RP1: variants seen among roughly 807,000 people sequenced by gnomAD.
RP1 encodes the protein RP1 axonemal microtubule associated.
Under a neutral mutation model 14.8 loss-of-function variants are expected in RP1, and 16 were observed. That is an observed-to-expected ratio of 1.08 (90% CI 0.73 to 1.65). The LOEUF (loss-of-function observed/expected upper bound fraction) is 1.65. Ranked by LOEUF, RP1 falls within the 40% of genes most tolerant of loss-of-function variation. The pLI is 0.00. For missense variants in RP1, 2,631 were observed against 2,535.0 expected (o/e 1.04, Z -0.81); for synonymous variants, 876 against 883.6 (o/e 0.99, Z 0.15).
downstream of RP1, among the ~76,000 whole-genome samples, chr8:54,633,279 T>A (rs937969344): frequency 2.0e-5 from 3 of 151,978 alleles, no homozygotes; most frequent in East Asian, 5.8e-4. Flanking sequence ...ATCATCAGAG[T>A]TGATTCCAAG....
intron 6 of RP1, among the ~76,000 whole-genome samples, chr8:54,658,577 C>T (rs1462249858): frequency 2.0e-5 from 3 of 146,840 alleles, no homozygotes; most frequent in Non-Finnish European, 4.5e-5. Flanking sequence ...AAAAAGACTG[C>T]GTATTACTCT....
chr8:54,615,606 C>T (rs369112887), upstream of RP1, among the ~76,000 whole-genome samples: 2 of 152,110 alleles, frequency 1.3e-5, no homozygotes, highest in Admixed American at 6.6e-5. Flanking sequence ...GTTTGTCCTG[C>T]GTTATGCTGA....
chr8:54,788,898 C>T (rs1009000982), intron 24 of RP1, among the ~76,000 whole-genome samples: 1 of 152,054 alleles, frequency 6.6e-6, no homozygotes, highest in African/African-American at 2.4e-5. Flanking sequence ...GCTGATGCAC[C>T]CCACAGAAAT....
intron 1 of RP1, among the ~76,000 whole-genome samples, chr8:54,588,031 T>C (rs565271201): frequency 3.3e-5 from 5 of 152,366 alleles, no homozygotes; most frequent in African/African-American, 1.2e-4. Context: ...TGTCTGCTGC[T>C]ATTTTTGAAT....
chr8:54,681,296 A>G (rs1177584127), intron 12 of RP1, among the ~76,000 whole-genome samples: 1 of 152,046 alleles, frequency 6.6e-6, no homozygotes, highest in African/African-American at 2.4e-5. Flanking sequence ...GACCAAGACC[A>G]TTTATTTCTC....
At chr8:54,644,238 A>C (rs1806503423) in intron 3 of RP1, among the ~76,000 whole-genome samples, 1 of 152,204 alleles carries the variant, frequency 6.6e-6, no homozygotes, top group Non-Finnish European at 1.5e-5. Flanking sequence ...AGCAAGTTAG[A>C]AACCTAGCAA....
intron 24 of RP1, among the ~76,000 whole-genome samples, chr8:54,830,086 C>T (rs529458914): frequency 7.2e-5 from 11 of 152,228 alleles, no homozygotes; most frequent in Middle Eastern, 3.4e-3. Flanking sequence ...TATATTCCTA[C>T]TTATTTTTTG....
At chr8:54,633,733 C>CTATATATA (rs1461408412), downstream of RP1, among the ~76,000 whole-genome samples, 37 of 130,150 alleles carry the variant, frequency 2.8e-4, no homozygotes, top group African/African-American at 1.1e-3. Flanking sequence ...CTCTCTCTCT[C>CTATATATA]TCTCTATATA....
At chr8:54,847,212 A>AT (rs1366208531) in intron 25 of RP1, among the ~76,000 whole-genome samples, 4 of 152,058 alleles carry the variant, frequency 2.6e-5, no homozygotes, top group Non-Finnish European at 4.4e-5. Context: ...AAAGAGAGAG[A>AT]TTTTTTCAAA....
chr8:54,640,856 C>T (rs190451018), intron 3 of RP1, among the ~76,000 whole-genome samples: 98 of 152,160 alleles, frequency 6.4e-4, no homozygotes, highest in Non-Finnish European at 1.1e-3. Flanking sequence ...TTTCAAACAA[C>T]GGTGGCTAAG....
chr8:54,578,274 A>G (rs967950768), intron 1 of RP1, among the ~76,000 whole-genome samples: 3 of 152,172 alleles, frequency 2.0e-5, no homozygotes, highest in Non-Finnish European at 4.4e-5. Flanking sequence ...TGGTGCAATC[A>G]TAGCTTATTG....
intron 12 of RP1, among the ~76,000 whole-genome samples, chr8:54,683,995 GTTTTTTTTTTTTT>G (rs35978244): frequency 7.6e-6 from 1 of 132,044 alleles, no homozygotes; most frequent in East Asian, 2.2e-4. Context: ...TTGCTTGAGA[GTTTTTTTTTTTTT>G]TTTTTAACAT....
intron 1 of RP1, among the ~76,000 whole-genome samples, chr8:54,589,245 T>C (rs955279995): frequency 2.0e-5 from 3 of 152,224 alleles, no homozygotes; most frequent in Non-Finnish European, 4.4e-5. Context: ...GTTATTGTGT[T>C]AGGTTATAAA....
intron 25 of RP1, among the ~76,000 whole-genome samples, chr8:54,849,585 G>T (rs1477924452): frequency 1.3e-5 from 2 of 152,218 alleles, no homozygotes; most frequent in African/African-American, 4.8e-5. Context: ...AGCTGTTAAT[G>T]CTTGGAGTTG....
At chr8:54,827,679 C>T (rs1193715680) in intron 24 of RP1, among the ~76,000 whole-genome samples, 1 of 152,066 alleles carries the variant, frequency 6.6e-6, no homozygotes, top group Non-Finnish European at 1.5e-5. Flanking sequence ...CGGCAGATCA[C>T]CTGAGGTCAG....
At chr8:54,712,949 A>T (rs565950918) in intron 15 of RP1, among the ~76,000 whole-genome samples, 1 of 152,348 alleles carries the variant, frequency 6.6e-6, no homozygotes, top group Non-Finnish European at 1.5e-5. Context: ...TTTAGAGGCT[A>T]TGGTAAGGCA....
chr8:54,783,632 A>C, exon 24 of RP1: 1 of 1,231,652 alleles, frequency 8.1e-7, no homozygotes, highest in Non-Finnish European at 1.0e-6. Flanking sequence ...TCTATGGAGA[A>C]ACAAAATGTT....
At chr8:54,637,648 T>G (rs1806378051) in intron 3 of RP1, among the ~76,000 whole-genome samples, 1 of 152,152 alleles carries the variant, frequency 6.6e-6, no homozygotes, top group African/African-American at 2.4e-5. Flanking sequence ...TTTTGTGTAT[T>G]GACATTTCAC....
At chr8:54,654,585 A>G (rs1457798264) in intron 5 of RP1, among the ~76,000 whole-genome samples, 1 of 152,206 alleles carries the variant, frequency 6.6e-6, no homozygotes, top group Non-Finnish European at 1.5e-5. Context: ...ATGCATTTAT[A>G]AATGTGAATT....
Sources: gnomAD v4.1 joint callset for allele counts (sites outside exome capture counted in the v4.1 genomes callset) on GRCh38, gnomAD v4.1.1 for gene constraint, MANE v1.5 for transcripts, NCBI Gene and HGNC (gene_info 2026-07-23, HGNC 2026-07-21) for gene names.